TMEM120B: variants seen among roughly 807,000 people sequenced by gnomAD.
TMEM120B encodes the protein transmembrane protein 120B.
TMEM120B carries 31 observed loss-of-function variants against 55.5 expected under a neutral mutation model. The ratio of observed to expected loss-of-function variants is 0.56; its 90% CI spans 0.42 to 0.75. The LOEUF (loss-of-function observed/expected upper bound fraction) is 0.75, where lower values mean the gene tolerates loss of function less well. TMEM120B is among the 30% of genes least tolerant of loss of function. TMEM120B has a pLI of 0.00. For synonymous variants in TMEM120B, 203 were observed against 176.3 expected, an observed-to-expected ratio of 1.15 and a Z score of -1.20; for missense variants, 399 against 425.5, an observed-to-expected ratio of 0.94 and a Z score of 0.55.
intron 1 of TMEM120B, among the ~76,000 whole-genome samples, chr12:121,735,201 C>CAAAAAAAAAAAAAAAAAAAAAAA (rs1158893128): frequency 8.1e-6 from 1 of 124,094 alleles, no homozygotes; most frequent in African/African-American, 3.0e-5. Context: ...AAAAAAAAAA[C>CAAAAAAAAAAAAAAAAAAAAAAA]AAAAAAAAAA....
rs1029650624 is a variant in TMEM120B at position 121,780,088 on chromosome 12, G to T, written c.*4366G>T. 2 of 164,226 alleles carry T rather than the reference G, an allele frequency of 1.2e-5. No homozygotes were observed. Among genetic ancestry groups the T allele is most frequent in the African/African-American group, 2.4e-5 (1 of 41,754 alleles). 10.2% of individuals were successfully genotyped at this position (164,226 alleles called of 1,614,324 possible). On this transcript the variant is annotated 3_prime_UTR_variant, in exon 12 of 12. Transcript: ENST00000449592. ...TTATTTATTTTTGAGATGGAGTTTT[G>T]CTCTTGTTACCCAGGCTGGAGTGCA...
rs905967258 is a variant in TMEM120B at position 121,716,404 on chromosome 12, AT to A, written c.69+3448del. 3.3e-5 allele frequency among the ~76,000 whole-genome samples: 5 copies of A among 151,076 alleles called. No homozygotes were observed. The South Asian group carries it at 6.3e-4, about 19-fold the overall frequency. On this transcript the variant is annotated intron_variant, in intron 1 of 11. Transcript: ENST00000449592. ...ACTAGAAAGCTTAACAATAGGAAGG[AT>A]TTTTTTTCTACTAGAAAATCCTGGT...
chr12:121,723,029 G>A (rs1894825671), intron 1 of TMEM120B, among the ~76,000 whole-genome samples: 1 of 151,954 alleles, frequency 6.6e-6, no homozygotes, highest in Admixed American at 6.6e-5. Context: ...TGTATTTGTA[G>A]TAGAGACGGG....
In TMEM120B at chr12:121,714,557, CTTTTTT is replaced by C. The variant is rs897759057; in HGVS notation, c.69+1611_69+1616del. Among the ~76,000 whole-genome samples the C allele has an allele frequency of 4.0e-5, 4 of 100,238 alleles. No homozygotes were observed. The South Asian group carries it at 1.0e-3, about 26-fold the overall frequency. 65.8% of individuals were successfully genotyped at this position (100,238 alleles called of 152,430 possible). ...CACTGTGCCTGGCCCTCAGCCACTT[CTTTTTT>C]TTTTTTTTTTTTTTTTTGAGATAGA... On this transcript the variant is annotated intron_variant, in intron 1 of 11. Coordinates refer to ENST00000449592, the MANE Select transcript of TMEM120B (RefSeq NM_001080825.2).
intron 1 of TMEM120B, among the ~76,000 whole-genome samples, chr12:121,716,112 G>C (rs1894696469): frequency 6.6e-6 from 1 of 150,960 alleles, no homozygotes; most frequent in African/African-American, 2.4e-5. Context: ...AGACCAGCCT[G>C]GGAAACATAG....
At chr12:121,735,089 G>A (rs113989611) in intron 1 of TMEM120B, among the ~76,000 whole-genome samples, 2,343 of 151,412 alleles carry the variant, frequency 0.015, 59 homozygotes, top group African/African-American at 0.054. Context: ...GGGAGGCTGA[G>A]GCAGGAGAAT....
chr12:121,774,850 C>A, intron 10 of TMEM120B, 128 bp downstream of exon 10: 1 of 1,274,836 alleles, frequency 7.8e-7, no homozygotes. Context: ...GGGGCCGGGG[C>A]AGCCTCTGGG....
intron 1 of TMEM120B, among the ~76,000 whole-genome samples, chr12:121,733,075 C>G (rs183377186): frequency 1.7e-3 from 264 of 152,122 alleles, no homozygotes; most frequent in Middle Eastern, 6.9e-3. Flanking sequence ...GACATACTTG[C>G]CTGTGTGCCC....
rs1555332581 is a variant in TMEM120B, at chr12:121,765,129, C to CTTTCT, written c.551+3394_551+3395insCTTTT. Among the ~76,000 whole-genome samples, 553 of 133,688 alleles carry CTTTCT rather than the reference C, an allele frequency of 4.1e-3. 4 individuals are homozygous for CTTTCT. The highest frequency in any genetic ancestry group is 9.8e-3 in the African/African-American group (351 of 35,666). 87.7% of individuals were successfully genotyped at this position (133,688 alleles called of 152,430 possible). ...TTTTTTTCTTTTCTTTCTTTTCTTT[C>CTTTCT]TTTTTTTTTTTTTTTTTTGAGACAG... On this transcript the variant is annotated intron_variant, in intron 6 of 11. Coordinates refer to ENST00000449592, the MANE Select transcript of TMEM120B (RefSeq NM_001080825.2).
At chr12:121,713,400 T>C (rs1894637115) in intron 1 of TMEM120B, among the ~76,000 whole-genome samples, 1 of 152,150 alleles carries the variant, frequency 6.6e-6, no homozygotes, top group Admixed American at 6.6e-5. Context: ...GGGGCAGCAC[T>C]ATCCTGCAGC....
intron 1 of TMEM120B, among the ~76,000 whole-genome samples, chr12:121,726,294 C>G (rs918651323): frequency 6.6e-6 from 1 of 151,640 alleles, no homozygotes; most frequent in Non-Finnish European, 1.5e-5. Context: ...AAAAATAATG[C>G]TTCGGCTGGG....
In TMEM120B at chr12:121,775,388, C is replaced by T. The variant is rs1229721000; in HGVS notation, c.907-221C>T. On this transcript the variant is annotated intron_variant, in intron 11 of 11. Transcript: ENST00000449592. The surrounding 1 kb of genome is among the most constrained non-coding windows in gnomAD (Gnocchi z 4.3). ...GGCTAGGGGTGGAGCCTCTCCCAATCTGTGGATCCCAAGGAGGTTCGCCCC... is the reference window on the plus strand; with the variant it reads ...GGCTAGGGGTGGAGCCTCTCCCAATTTGTGGATCCCAAGGAGGTTCGCCCC... 1 of 973,168 alleles carries T rather than the reference C, an allele frequency of 1.0e-6. No individual in the cohort carries two copies. The highest frequency in any genetic ancestry group is 6.2e-5 in the Admixed American group (1 of 16,240). 60.3% of individuals were successfully genotyped at this position (973,168 alleles called of 1,614,324 possible).
chr12:121,774,515 A>T, intron 9 of TMEM120B, 143 bp from the exon 10 acceptor site: 1 of 701,868 alleles, frequency 1.4e-6, no homozygotes, highest in Non-Finnish European at 2.4e-6. Flanking sequence ...CCCAGCTATG[A>T]CAGGTGAGGG....
chr12:121,736,686 A>AT (rs1895123772), intron 1 of TMEM120B, among the ~76,000 whole-genome samples: 1 of 152,054 alleles, frequency 6.6e-6, no homozygotes, highest in Admixed American at 6.6e-5. Flanking sequence ...AGTAGCTGGG[A>AT]TTATAGGCAT....
At chr12:121,758,619 T>C (rs1873560092) in intron 5 of TMEM120B, 1 of 981,970 alleles carries the variant, frequency 1.0e-6, no homozygotes. Flanking sequence ...AGCCCCGCGC[T>C]GTGGTCACCA....
chr12:121,754,844 A>G (rs903984545), intron 5 of TMEM120B, among the ~76,000 whole-genome samples: 2 of 152,078 alleles, frequency 1.3e-5, no homozygotes, highest in Non-Finnish European at 2.9e-5. Flanking sequence ...GGGGCAGAGG[A>G]GGGGGATTGG....
intron 1 of TMEM120B, among the ~76,000 whole-genome samples, chr12:121,724,030 CTTTT>C (rs56972824): frequency 1.3e-5 from 1 of 75,962 alleles, no homozygotes; most frequent in African/African-American, 5.3e-5. Flanking sequence ...TCAAGTGATC[CTTTT>C]TTTTTTTTTT....
At chr12:121,744,029 C>G (rs145341767) in intron 2 of TMEM120B, among the ~76,000 whole-genome samples, 1 of 151,988 alleles carries the variant, frequency 6.6e-6, no homozygotes, top group Non-Finnish European at 1.5e-5. Flanking sequence ...GCTGTGCCAC[C>G]CTGGCTGAAG....
chr12:121,738,152 G>A (rs564241398), intron 1 of TMEM120B, among the ~76,000 whole-genome samples: 88 of 151,906 alleles, frequency 5.8e-4, no homozygotes, highest in African/African-American at 2.0e-3. Context: ...CCAGCTACTC[G>A]GGAGGCTGAG....
Sources: allele counts gnomAD v4.1 joint callset (sites outside exome capture counted in the v4.1 genomes callset), GRCh38; gene constraint gnomAD v4.1.1; non-coding constraint Gnocchi (gnomAD v3.1); transcripts MANE v1.5; gene names NCBI Gene and HGNC (gene_info 2026-07-23, HGNC 2026-07-21).